CFAP77: variants seen among roughly 807,000 people sequenced by gnomAD.
The protein encoded by CFAP77 is cilia- and flagella-associated protein 77.
In CFAP77, 25 loss-of-function variants were observed where a neutral mutation model predicts 31.1. That is an observed-to-expected ratio of 0.80 (90% CI 0.59 to 1.12). CFAP77 has a LOEUF of 1.12. CFAP77 is among the 50% of genes most tolerant of loss of function. The pLI, the probability that CFAP77 is intolerant of heterozygous loss-of-function variation, is 0.00. For missense variants in CFAP77, 377 were observed against 397.3 expected, an observed-to-expected ratio of 0.95 and a Z score of 0.44; for synonymous variants, 151 against 159.9, an observed-to-expected ratio of 0.94 and a Z score of 0.42.
intron 3 of CFAP77, among the ~76,000 whole-genome samples, chr9:132,518,635 T>G (rs1213067294): frequency 6.6e-6 from 1 of 152,190 alleles, no homozygotes; most frequent in African/African-American, 2.4e-5. Flanking sequence ...GGAATCGCTC[T>G]TATTCTTCAG....
intron 3 of CFAP77, among the ~76,000 whole-genome samples, chr9:132,531,367 G>GC (rs1193145527): frequency 2.0e-5 from 3 of 152,124 alleles, no homozygotes; most frequent in Non-Finnish European, 4.4e-5. Flanking sequence ...ATGAATGAGC[G>GC]CCCCCCGCGT....
At chr9:132,513,343 TC>T in intron 3 of CFAP77, 1 of 1,544,380 alleles carries the variant, frequency 6.5e-7, no homozygotes, top group African/African-American at 1.4e-5. Flanking sequence ...ACGCTAACCA[TC>T]TGGCCGCTTT....
chr9:132,570,224 G>A (rs143731651), intron 5 of CFAP77, among the ~76,000 whole-genome samples: 12 of 152,302 alleles, frequency 7.9e-5, no homozygotes, highest in East Asian at 3.9e-4. Context: ...ACATTTTTCC[G>A]AAACATTGAG....
intron 3 of CFAP77, among the ~76,000 whole-genome samples, chr9:132,513,928 C>T (rs1852090684): frequency 7.5e-6 from 1 of 133,088 alleles, no homozygotes; most frequent in South Asian, 2.2e-4. Context: ...GATGACCCTT[C>T]CCCTGTACCC....
At chr9:132,570,551 C>T (rs573424777) in intron 5 of CFAP77, among the ~76,000 whole-genome samples, 2 of 152,352 alleles carry the variant, frequency 1.3e-5, no homozygotes, top group South Asian at 4.1e-4. Flanking sequence ...GCCCTGAAAC[C>T]TCCTAAATCA....
rs1829879500 is a variant in CFAP77 at position 132,565,921 on chromosome 9, T to C, written c.733-6467T>C. 6.6e-6 allele frequency among the ~76,000 whole-genome samples: 1 copy of C among 152,236 alleles called. No homozygotes were observed. The highest frequency in any genetic ancestry group is 1.9e-4 in the East Asian group (1 of 5,190). On this transcript the variant is annotated intron_variant, in intron 5 of 5. Transcript: ENST00000393216. This position sits in a 1 kb window ranked among gnomAD's most constrained non-coding sequence, Gnocchi z 4.1. ...TGGCGGCTGTGGCACTTGCCTCTTA[T>C]TTACCTGCATTGACCTTAGAGCAGC... is the stretch of plus-strand genomic sequence containing the variant.
intron 1 of CFAP77, among the ~76,000 whole-genome samples, chr9:132,418,106 C>T (rs942712314): frequency 1.1e-4 from 16 of 152,334 alleles, no homozygotes; most frequent in African/African-American, 3.4e-4. Context: ...AAGGTTGTAA[C>T]GTGGTCGGAT....
chr9:132,549,797 C>T (rs762794579), intron 5 of CFAP77, among the ~76,000 whole-genome samples: 6 of 152,010 alleles, frequency 3.9e-5, no homozygotes, highest in Middle Eastern at 3.2e-3. Flanking sequence ...AGAGATTGTG[C>T]CACTACACTC....
At chr9:132,485,185 A>T (rs941010927) in intron 1 of CFAP77, among the ~76,000 whole-genome samples, 2 of 152,228 alleles carry the variant, frequency 1.3e-5, no homozygotes, top group Non-Finnish European at 2.9e-5. Flanking sequence ...AGCTGCTGAT[A>T]ATTCAAAATA....
At chr9:132,569,041 T>C (rs1829922926) in intron 5 of CFAP77, among the ~76,000 whole-genome samples, 1 of 152,188 alleles carries the variant, frequency 6.6e-6, no homozygotes, top group South Asian at 2.1e-4. Context: ...TTCAGGGCTA[T>C]TTGCATATGC....
intron 1 of CFAP77, chr9:132,482,446 CA>C: frequency 6.3e-7 from 1 of 1,577,716 alleles, no homozygotes; most frequent in Non-Finnish European, 8.7e-7. Flanking sequence ...AAAATAATGT[CA>C]CCCTGGAGAA....
intron 3 of CFAP77, among the ~76,000 whole-genome samples, chr9:132,514,526 T>C (rs901040678): frequency 6.6e-6 from 1 of 152,170 alleles, no homozygotes; most frequent in Non-Finnish European, 1.5e-5. Flanking sequence ...CCAGTCGGTT[T>C]CTGAGTGGCC....
chr9:132,456,296 T>C (rs1181803022), intron 1 of CFAP77, among the ~76,000 whole-genome samples: 1 of 152,202 alleles, frequency 6.6e-6, no homozygotes, highest in Non-Finnish European at 1.5e-5. Flanking sequence ...CTGCCCCCCA[T>C]CTTGACATCT....
intron 3 of CFAP77, among the ~76,000 whole-genome samples, chr9:132,532,954 G>A (rs1232868354): frequency 3.9e-5 from 6 of 152,176 alleles, no homozygotes; most frequent in East Asian, 1.9e-4. Flanking sequence ...TTGGGAGGCC[G>A]AGAATATCAG....
rs994480927 is a variant in CFAP77, at chr9:132,517,254, G to C, written c.524+17654G>C. Among the ~76,000 whole-genome samples, 1 of 152,176 alleles carries C rather than the reference G, an allele frequency of 6.6e-6. No homozygotes were observed. The highest frequency in any genetic ancestry group is 6.5e-5 in the Admixed American group (1 of 15,270). On this transcript the variant is annotated intron_variant, in intron 3 of 5. Coordinates refer to ENST00000393216, the MANE Select transcript of CFAP77 (RefSeq NM_001282957.2). The surrounding 1 kb of genome is among the most constrained non-coding windows in gnomAD (Gnocchi z 4.7). Reference sequence around the variant, plus strand: ...CCCCTCCGTCCCTTCTCAGCTGCGAGGGTGCCAGCAACTCCCCGGCCCCCG... The same window carrying C: ...CCCCTCCGTCCCTTCTCAGCTGCGACGGTGCCAGCAACTCCCCGGCCCCCG...
intron 5 of CFAP77, among the ~76,000 whole-genome samples, chr9:132,561,205 T>C (rs527654392): frequency 1.2e-3 from 180 of 152,274 alleles, no homozygotes; most frequent in Non-Finnish European, 2.2e-3. Flanking sequence ...AATTTTCAAG[T>C]GCCTCTCATT....
intron 5 of CFAP77, among the ~76,000 whole-genome samples, chr9:132,544,140 C>A (rs1313163990): frequency 7.0e-6 from 1 of 142,804 alleles, no homozygotes; most frequent in African/African-American, 2.7e-5. Context: ...AGAGCTTCAC[C>A]GGAGAAACCT....
At chr9:132,418,406 A>G (rs1850146067) in intron 1 of CFAP77, among the ~76,000 whole-genome samples, 1 of 152,246 alleles carries the variant, frequency 6.6e-6, no homozygotes, top group Non-Finnish European at 1.5e-5. Flanking sequence ...ACCAGGAGAC[A>G]TAAAGGAGAC....
intron 3 of CFAP77, among the ~76,000 whole-genome samples, chr9:132,514,631 A>C (rs1487768818): frequency 1.3e-5 from 2 of 152,160 alleles, no homozygotes; most frequent in Non-Finnish European, 2.9e-5. Context: ...GGAACTGCTA[A>C]TTGAATTCAT....
Sources: gnomAD v4.1 joint callset for allele counts (sites outside exome capture counted in the v4.1 genomes callset) on GRCh38, gnomAD v4.1.1 for gene constraint, Gnocchi (gnomAD v3.1) non-coding constraint, MANE v1.5 for transcripts, NCBI Gene and HGNC (gene_info 2026-07-23, HGNC 2026-07-21) for gene names.